Variants in RIGI observed in about 807,000 individuals in gnomAD.
RIGI encodes RNA sensor RIG-I.
chr9:32,487,678 A>C, the RIGI span: 1 of 1,598,714 alleles, frequency 6.3e-7, no homozygotes, highest in Non-Finnish European at 8.5e-7. Flanking sequence ...GAAATGGTAC[A>C]ATGTTTCCAC....
At chr9:32,457,504 C>T in the RIGI span, 2 of 1,035,030 alleles carry the variant, frequency 1.9e-6, no homozygotes, top group Non-Finnish European at 2.6e-6. Context: ...AAAAGAAAAC[C>T]CCACAATAAT....
At chr9:32,487,714 T>G in the RIGI span, 2 of 1,526,644 alleles carry the variant, frequency 1.3e-6, no homozygotes, top group Non-Finnish European at 1.8e-6. Context: ...TCTTTCCTGC[T>G]GGGGTAGGGC....
At chr9:32,456,843 T>C in the RIGI span, 1 of 377,192 alleles carries the variant, frequency 2.7e-6, no homozygotes, top group Non-Finnish European at 4.8e-6. Context: ...ACAGAGTGAT[T>C]ACTGTGTGTT....
the RIGI span, among the ~76,000 whole-genome samples, chr9:32,470,238 C>G: frequency 6.6e-6 from 1 of 152,180 alleles, no homozygotes; most frequent in Non-Finnish European, 1.5e-5. Context: ...TGAATAGTAA[C>G]TAACATTTAA....
chr9:32,502,688 A>T, the RIGI span, among the ~76,000 whole-genome samples: 1 of 152,148 alleles, frequency 6.6e-6, no homozygotes, highest in African/African-American at 2.4e-5. Flanking sequence ...GGCTCTGGGG[A>T]GAATGCATTC....
chr9:32,476,923 A>G, the RIGI span: 2 of 1,424,698 alleles, frequency 1.4e-6, no homozygotes, highest in Non-Finnish European at 9.7e-7. Context: ...TACCCAGCCC[A>G]ATCTTTTCAA....
the RIGI span, chr9:32,457,461 G>T: frequency 2.1e-6 from 3 of 1,421,034 alleles, no homozygotes; most frequent in Non-Finnish European, 2.9e-6. Flanking sequence ...GAGAACGTTA[G>T]AACCAGTACA....
chr9:32,495,932 C>G, the RIGI span, among the ~76,000 whole-genome samples: 16 of 152,148 alleles, frequency 1.1e-4, no homozygotes, highest in African/African-American at 3.9e-4. Flanking sequence ...GCTGGGATTG[C>G]CTATTTTTTA....
the RIGI span, among the ~76,000 whole-genome samples, chr9:32,480,061 T>A: frequency 7.9e-5 from 12 of 152,292 alleles, no homozygotes; most frequent in Middle Eastern, 3.4e-3. Flanking sequence ...CTAGATTTCA[T>A]TGAAGCTAAA....
the RIGI span, among the ~76,000 whole-genome samples, chr9:32,455,471 G>C: frequency 6.6e-6 from 1 of 152,056 alleles, no homozygotes; most frequent in South Asian, 2.1e-4. Flanking sequence ...AAAACCATCA[G>C]ATCTCATGAG....
chr9:32,459,991 TA>T, the RIGI span, among the ~76,000 whole-genome samples: 40,904 of 152,042 alleles, frequency 0.27, 5,938 homozygotes, highest in South Asian at 0.39. Flanking sequence ...AATTGTATCT[TA>T]ACAGAATTCC....
At chr9:32,459,046 G>A in the RIGI span, among the ~76,000 whole-genome samples, 99 of 151,964 alleles carry the variant, frequency 6.5e-4, no homozygotes, top group African/African-American at 2.3e-3. Context: ...CTGCCACTAC[G>A]CCCAGCTAAC....
At chr9:32,491,346 C>T in the RIGI span, 2 of 1,613,532 alleles carry the variant, frequency 1.2e-6, no homozygotes, top group African/African-American at 1.3e-5. Context: ...CATTCTGGAT[C>T]TTCTTGGTAG....
At chr9:32,478,212 A>G in the RIGI span, among the ~76,000 whole-genome samples, 1 of 151,716 alleles carries the variant, frequency 6.6e-6, no homozygotes, top group Non-Finnish European at 1.5e-5. Context: ...TCTGGCTAAT[A>G]TTTTGTATCT....
the RIGI span, among the ~76,000 whole-genome samples, chr9:32,506,014 C>G: frequency 4.9e-4 from 75 of 152,214 alleles, 1 homozygote; most frequent in Non-Finnish European, 1.2e-4. Context: ...GTCAGGAGTT[C>G]AAGACCATCC....
At chr9:32,504,786 A>T in the RIGI span, among the ~76,000 whole-genome samples, 5 of 136,824 alleles carry the variant, frequency 3.7e-5, no homozygotes, top group East Asian at 3.0e-4. Flanking sequence ...AAATATATAA[A>T]ATATATTTAA....
the RIGI span, among the ~76,000 whole-genome samples, chr9:32,522,817 GA>G: frequency 1.3e-5 from 2 of 152,152 alleles, no homozygotes; most frequent in African/African-American, 2.4e-5. Flanking sequence ...TTGATAAATA[GA>G]AAGAGGGGGA....
the RIGI span, among the ~76,000 whole-genome samples, chr9:32,466,874 G>A: frequency 6.6e-6 from 1 of 152,068 alleles, no homozygotes; most frequent in African/African-American, 2.4e-5. Flanking sequence ...CCCCCAGTAT[G>A]ACACTGTGAT....
chr9:32,497,184 T>C, the RIGI span, among the ~76,000 whole-genome samples: 1 of 152,342 alleles, frequency 6.6e-6, no homozygotes, highest in Admixed American at 6.5e-5. Flanking sequence ...GGGATGTCTT[T>C]CCATTTATTT....
Sources: allele counts gnomAD v4.1 joint callset (sites outside exome capture counted in the v4.1 genomes callset), GRCh38; gene constraint gnomAD v4.1.1; transcripts MANE v1.5; gene names NCBI Gene and HGNC (gene_info 2026-07-23, HGNC 2026-07-21).